Variants in SPHKAP observed in about 807,000 individuals in gnomAD.
The protein encoded by SPHKAP is A-kinase anchor protein SPHKAP.
In SPHKAP, 67 loss-of-function variants were observed where a neutral mutation model predicts 137.5. The observed-to-expected ratio is 0.49, with a 90% CI of 0.40 to 0.60. SPHKAP has a LOEUF of 0.60. Among genes scored for constraint, SPHKAP ranks in the 20% least tolerant of loss-of-function variants. SPHKAP has a pLI of 0.00. For missense variants in SPHKAP, 2,097 were observed against 2,069.3 expected (o/e 1.01, Z -0.26); for synonymous variants, 813 against 785.3 (o/e 1.04, Z -0.59).
At chr2:228,027,657 G>A (rs1461156863) in intron 3 of SPHKAP, 114 bp from the exon 4 acceptor site, 2 of 1,056,164 alleles carry the variant, frequency 1.9e-6, no homozygotes, top group Non-Finnish European at 2.8e-6. Context: ...CCACATCTTA[G>A]ACAGTTTGGC....
intron 7 of SPHKAP, among the ~76,000 whole-genome samples, chr2:228,007,795 A>C (rs1694197976): frequency 1.3e-5 from 2 of 152,218 alleles, no homozygotes; most frequent in African/African-American, 4.8e-5. Context: ...AAGGTGCCAA[A>C]AACACATAAT....
intron 1 of SPHKAP, among the ~76,000 whole-genome samples, chr2:228,166,755 T>C (rs1700434224): frequency 6.6e-6 from 1 of 152,202 alleles, no homozygotes; most frequent in Non-Finnish European, 1.5e-5. Context: ...ATGGTTATTG[T>C]ATCATTCTTG....
At chr2:228,174,443 G>C (rs1370499902) in intron 1 of SPHKAP, among the ~76,000 whole-genome samples, 1 of 152,080 alleles carries the variant, frequency 6.6e-6, no homozygotes, top group Non-Finnish European at 1.5e-5. Context: ...AAACTGAGAG[G>C]AACAGTGATG....
Position 227,991,591 on chromosome 2 carries a change from T to C in SPHKAP, c.4722-265A>G, listed in dbSNP as rs548209217. The C allele has an allele frequency of 7.1e-6, 7 of 985,408 alleles. No individual in the cohort carries two copies. In the African/African-American group the frequency reaches 1.0e-4, roughly 15 times the overall value. The allele number at this position is 985,408 out of a possible 1,614,324, so 61.0% of individuals were successfully genotyped here. A position where few individuals can be genotyped will look rare whatever the true frequency, so the allele number is the denominator to read the frequency against. On this transcript the variant is annotated intron_variant, in intron 9 of 11. Coordinates refer to ENST00000392056, the MANE Select transcript of SPHKAP (RefSeq NM_001142644.2). Reference sequence around the variant, plus strand: ...AGTTAGGATAGCTGGTGTGGGAGACTGAGAGATGCAACCTTCTCTTCAACC... The same window carrying C: ...AGTTAGGATAGCTGGTGTGGGAGACCGAGAGATGCAACCTTCTCTTCAACC...
intron 7 of SPHKAP, among the ~76,000 whole-genome samples, chr2:228,000,357 G>A (rs949093922): frequency 1.3e-5 from 2 of 152,134 alleles, no homozygotes; most frequent in Non-Finnish European, 2.9e-5. Flanking sequence ...GGTGGCTCAC[G>A]TCTGTAATCC....
rs192052965 is a variant in SPHKAP, at chr2:228,103,123, C to A, written c.246+5709G>T. ...CCTTCACAGATGTTGAGTCACCTGGCTGCTGTGATGAGTGACTCTCTTCTC... is the reference window on the plus strand; with the variant it reads ...CCTTCACAGATGTTGAGTCACCTGGATGCTGTGATGAGTGACTCTCTTCTC... On this transcript the variant is annotated intron_variant, in intron 3 of 11. Coordinates refer to ENST00000392056, the MANE Select transcript of SPHKAP (RefSeq NM_001142644.2). Among the ~76,000 whole-genome samples the A allele has an allele frequency of 4.9e-4, 74 of 152,274 alleles. 1 individual carries two copies. Among genetic ancestry groups the A allele is most frequent in the African/African-American group, 1.7e-3 (69 of 41,548 alleles).
intron 3 of SPHKAP, among the ~76,000 whole-genome samples, chr2:228,074,053 G>T (rs529943331): frequency 6.6e-6 from 1 of 152,266 alleles, no homozygotes; most frequent in South Asian, 2.1e-4. Flanking sequence ...TCACCATATA[G>T]GTGGATAAGG....
chr2:228,077,257 C>T (rs1404768285), intron 3 of SPHKAP, among the ~76,000 whole-genome samples: 1 of 152,184 alleles, frequency 6.6e-6, no homozygotes, highest in African/African-American at 2.4e-5. Flanking sequence ...AGAGTCCCTA[C>T]TGGGGCACCA....
intron 2 of SPHKAP, among the ~76,000 whole-genome samples, chr2:228,117,269 C>T (rs951240827): frequency 6.6e-5 from 10 of 152,016 alleles, no homozygotes; most frequent in African/African-American, 1.2e-4. Flanking sequence ...TAACTTTGGA[C>T]GGTGTGATGT....
At chr2:228,178,277 T>A (rs1209388489) in intron 1 of SPHKAP, among the ~76,000 whole-genome samples, 1 of 152,216 alleles carries the variant, frequency 6.6e-6, no homozygotes, top group Non-Finnish European at 1.5e-5. Context: ...TATGGATTTT[T>A]AAATACAATT....
intron 3 of SPHKAP, among the ~76,000 whole-genome samples, chr2:228,087,406 TAAGAAC>T: frequency 6.6e-6 from 1 of 152,146 alleles, no homozygotes; most frequent in African/African-American, 2.4e-5. Context: ...TGCAAAGAAA[TAAGAAC>T]ATGTAACCCA....
rs1192654160 is a variant in SPHKAP, at chr2:228,034,649, G to A, written c.247-7106C>T. Among the ~76,000 whole-genome samples the A allele has an allele frequency of 7.9e-5, 12 of 152,192 alleles. No individual in the cohort carries two copies. In the East Asian group the frequency reaches 9.7e-4, roughly 12 times the overall value. ...ATCCTCAATAAAATATTGGCAAACC[G>A]AATCCAGCAGCACATCAAAAAGCTT... On this transcript the variant is annotated intron_variant, in intron 3 of 11. Transcript: ENST00000392056.
intron 2 of SPHKAP, among the ~76,000 whole-genome samples, chr2:228,125,954 C>T (rs944741752): frequency 7.2e-5 from 11 of 152,098 alleles, no homozygotes; most frequent in African/African-American, 2.7e-4. Context: ...ATGGCGTCCA[C>T]CTGTAATCCC....
chr2:228,008,601 G>T (rs1303142704), intron 7 of SPHKAP, among the ~76,000 whole-genome samples: 1 of 151,934 alleles, frequency 6.6e-6, no homozygotes, highest in Admixed American at 6.6e-5. Flanking sequence ...AGCCATTCCA[G>T]GAGTTATATA....
intron 1 of SPHKAP, among the ~76,000 whole-genome samples, chr2:228,159,444 A>G (rs1700210257): frequency 6.6e-6 from 1 of 152,140 alleles, no homozygotes; most frequent in Admixed American, 6.5e-5. Flanking sequence ...ACTGGAAACA[A>G]CGCACCCACA....
At chr2:228,082,226 A>G (rs909096829) in intron 3 of SPHKAP, among the ~76,000 whole-genome samples, 2 of 152,208 alleles carry the variant, frequency 1.3e-5, no homozygotes, top group Admixed American at 1.3e-4. Flanking sequence ...ATTAGTTGGC[A>G]GGTGACATGG....
chr2:228,109,956 C>CAAA (rs11440513), intron 2 of SPHKAP, among the ~76,000 whole-genome samples: 16,361 of 55,460 alleles, frequency 0.3, 3,397 homozygotes, highest in East Asian at 0.47. Flanking sequence ...GAAAATGTCT[C>CAAA]AAAAAAAAAA....
chr2:228,083,140 T>A (rs963506556), intron 3 of SPHKAP, among the ~76,000 whole-genome samples: 1 of 152,128 alleles, frequency 6.6e-6, no homozygotes. Flanking sequence ...CAAGAAAGCT[T>A]ACTGAAAAGC....
chr2:228,066,173 A>G (rs1349823402), intron 3 of SPHKAP, among the ~76,000 whole-genome samples: 1 of 152,188 alleles, frequency 6.6e-6, no homozygotes, highest in Non-Finnish European at 1.5e-5. Context: ...TTTTTCTCTA[A>G]TAATTATACA....
Sources: allele counts gnomAD v4.1 joint callset (sites outside exome capture counted in the v4.1 genomes callset), GRCh38; gene constraint gnomAD v4.1.1; transcripts MANE v1.5; gene names NCBI Gene and HGNC (gene_info 2026-07-23, HGNC 2026-07-21).